The following PER3 variants were observed in gnomAD, a reference collection of about 807,000 sequenced individuals.
The protein encoded by PER3 is period circadian protein homolog 3.
PER3 carries 107 observed loss-of-function variants against 127.2 expected under a neutral mutation model. The observed-to-expected ratio is 0.84, with a 90% confidence interval of 0.72 to 0.99. The LOEUF is 0.99. Among genes scored for constraint, PER3 ranks in the 50% least tolerant of loss-of-function variants. The probability of loss-of-function intolerance (pLI) is 0.00; values close to 1 mark genes in which losing one functional copy is unlikely to be tolerated. For missense variants in PER3, 1,560 were observed against 1,525.8 expected (o/e 1.02, Z -0.37); for synonymous variants, 618 against 585.8 (o/e 1.05, Z -0.79).
At chr1:7,825,228 C>T (rs2097296056) in intron 16 of PER3, among the ~76,000 whole-genome samples, 1 of 152,064 alleles carries the variant, frequency 6.6e-6, no homozygotes. Flanking sequence ...GGGGAGCCCT[C>T]TACAGTGTCC....
At chr1:7,818,015 C>T (rs2097259299) in intron 13 of PER3, among the ~76,000 whole-genome samples, 1 of 152,152 alleles carries the variant, frequency 6.6e-6, no homozygotes, top group Admixed American at 6.5e-5. Flanking sequence ...CACTGCACCT[C>T]CGCCGCATTC....
chr1:7,814,043 A>T (rs1178074708), intron 13 of PER3, among the ~76,000 whole-genome samples: 1 of 152,244 alleles, frequency 6.6e-6, no homozygotes, highest in African/African-American at 2.4e-5. Context: ...CATCAATGCC[A>T]GAGATGAGGA....
rs1277400635 is a variant in PER3, at chr1:7,798,542, A to G, written c.662A>G (p.Lys221Arg). ...CTCCTCAGTGGAGGTGAAGACAGAA[A>G]GCAAGAGAAGTGTCACTCCCCATTC... is the stretch of plus-strand genomic sequence containing the variant. ...FCRIRGGEDRKQEKCHSPFRI... is the reference protein window; with the variant it reads ...FCRIRGGEDRRQEKCHSPFRI... The change falls in exon 7 of 22, where the codon AAG (lysine) becomes AGG (arginine). Residue 221 changes from lysine (K) to arginine (R), a missense_variant. Physicochemically the swap from Lys to Arg is conservative, Grantham distance 26. This residue lies in a region of PER3 where 1,332 missense variants were observed against 1,223.6 expected (regional missense o/e 1.09). Coordinates refer to ENST00000377532, the MANE Select transcript of PER3 (RefSeq NM_001377275.1). The G allele has an allele frequency of 1.2e-6, 2 of 1,613,824 alleles. No individual in the cohort carries two copies. The highest frequency in any genetic ancestry group is 3.3e-5 in the Admixed American group (2 of 60,006).
In PER3 at chr1:7,826,648, C is replaced by T; in HGVS notation, c.2126C>T (p.Ser709Leu). ...VDKFREKILS[S>L]PYSSYLQQES... The stretch of plus-strand genomic sequence containing the variant: ...AAATTCCGAGAAAAGATCCTGTCAT[C>T]ACCCTACAGCTCCTATCTTCAGCAA... The change falls in exon 17 of 22, where the codon TCA becomes TTA. Residue 709 changes from serine (S) to leucine (L), a missense_variant. By Grantham distance (145) the Ser-to-Leu change is moderately radical. Coordinates refer to ENST00000377532, the MANE Select transcript of PER3 (RefSeq NM_001377275.1). This position sits in a 1 kb window ranked among gnomAD's most constrained non-coding sequence, Gnocchi z 4.2. 6.2e-7 allele frequency: 1 copy of T among 1,613,482 alleles called. No individual in the cohort carries two copies. The highest frequency in any genetic ancestry group is 8.5e-7 in the Non-Finnish European group (1 of 1,179,420).
intron 16 of PER3, among the ~76,000 whole-genome samples, chr1:7,821,692 A>G (rs1403846381): frequency 6.6e-6 from 1 of 152,176 alleles, no homozygotes; most frequent in Non-Finnish European, 1.5e-5. Flanking sequence ...AATTTATACT[A>G]AAGTCTATAT....
chr1:7,832,907 C>T (rs567605630), intron 19 of PER3, among the ~76,000 whole-genome samples: 1 of 151,238 alleles, frequency 6.6e-6, no homozygotes, highest in African/African-American at 2.4e-5. Flanking sequence ...GGCATGATCC[C>T]AGCTCACTGC....
Position 7,819,322 on chromosome 1 carries a change from G to GAA in PER3, c.1564_1565dup (p.Asn522LysfsTer13). On this transcript the variant is annotated frameshift_variant, in exon 14 of 22. Transcript: ENST00000377532. LOFTEE classifies it high-confidence loss of function. The stretch of plus-strand genomic sequence containing the variant: ...CCTTTACTTCCTTCCACCAAACACT[G>GAA]AAAAACAATAGTGTGTACACTGAGC... 16 of 1,613,598 alleles carry GAA rather than the reference G, an allele frequency of 9.9e-6. No homozygotes were observed. Among genetic ancestry groups the GAA allele is most frequent in the Non-Finnish European group, 1.4e-5 (16 of 1,179,602 alleles).
intron 6 of PER3, among the ~76,000 whole-genome samples, chr1:7,796,342 A>T (rs2097145495): frequency 2.4e-5 from 1 of 40,872 alleles, no homozygotes; most frequent in African/African-American, 5.5e-5. Context: ...TTTTTGAGAC[A>T]GGATCTCACT....
intron 16 of PER3, among the ~76,000 whole-genome samples, chr1:7,820,843 T>C (rs1267840561): frequency 2.0e-5 from 3 of 152,258 alleles, no homozygotes; most frequent in East Asian, 1.9e-4. Context: ...TTCTCAGTTA[T>C]GTTATTTGTC....
chr1:7,827,294 T>C lies in PER3; in HGVS notation c.2365T>C (p.Ser789Pro), dbSNP rs1336570710. 1.2e-6 allele frequency: 2 copies of C among 1,613,494 alleles called. No homozygotes were observed. The highest frequency in any genetic ancestry group is 1.7e-6 in the Non-Finnish European group (2 of 1,179,824). ...CPSAASSPHT[S>P]SPTFPPAAMV... is the part of the protein sequence containing the mutation. ...CTCCGCGGCCTCCTCTCCGCACACC[T>C]CGAGCCCGACCTTCCCACCTGCCGC... The change falls in exon 18 of 22, where the codon TCG becomes CCG. Residue 789 changes from serine (S) to proline (P), a missense_variant. Ser to Pro is a moderately conservative substitution (Grantham distance 74, BLOSUM62 -1). Coordinates refer to ENST00000377532, the MANE Select transcript of PER3 (RefSeq NM_001377275.1).
intron 19 of PER3, 31 bp downstream of exon 19, chr1:7,830,192 C>T (rs775953482): frequency 2.5e-6 from 4 of 1,574,538 alleles, no homozygotes; most frequent in East Asian, 2.2e-5. Flanking sequence ...ATGTTTCAAA[C>T]TCCAATGCCA....
chr1:7,819,164 C>T (rs911626125), intron 13 of PER3, 121 bp from the exon 14 acceptor site: 9 of 747,752 alleles, frequency 1.2e-5, no homozygotes, highest in Middle Eastern at 3.8e-4. Flanking sequence ...TTTTAATAGC[C>T]GCATGATATT....
At chr1:7,790,794 T>A (rs545494084) in intron 5 of PER3, among the ~76,000 whole-genome samples, 16 of 152,180 alleles carry the variant, frequency 1.1e-4, no homozygotes, top group South Asian at 4.1e-4. Flanking sequence ...TGGGAGAAAT[T>A]GGCCAAAACA....
intron 13 of PER3, among the ~76,000 whole-genome samples, 191 bp from the exon 14 acceptor site, chr1:7,819,094 A>G (rs1257010213): frequency 6.6e-6 from 1 of 152,178 alleles, no homozygotes; most frequent in Non-Finnish European, 1.5e-5. Context: ...TCTGCACCTT[A>G]TTTTATTCAT....
chr1:7,794,515 A>G (rs1415322822), intron 6 of PER3, among the ~76,000 whole-genome samples: 1 of 151,952 alleles, frequency 6.6e-6, no homozygotes, highest in Non-Finnish European at 1.5e-5. Flanking sequence ...ATAAATAATA[A>G]TGCGATAGGA....
chr1:7,819,221 A>G, intron 13 of PER3, 64 bp from the exon 14 acceptor site: 1 of 1,424,370 alleles, frequency 7.0e-7, no homozygotes, highest in African/African-American at 1.4e-5. Context: ...TTTTGGTAAG[A>G]AAGTATATGT....
intron 13 of PER3, among the ~76,000 whole-genome samples, chr1:7,818,185 A>G (rs1352305009): frequency 6.6e-6 from 1 of 152,310 alleles, no homozygotes; most frequent in Non-Finnish European, 1.5e-5. Flanking sequence ...GTAGAATGGT[A>G]CCACTGTTCA....
chr1:7,804,901 G>A (rs1190981828), intron 10 of PER3, among the ~76,000 whole-genome samples: 2 of 146,946 alleles, frequency 1.4e-5, no homozygotes, highest in African/African-American at 5.0e-5. Context: ...CAGGATCTCA[G>A]TCTGTCACCC....
At chr1:7,840,774 ATT>A (rs112147772) in intron 21 of PER3, among the ~76,000 whole-genome samples, 1 of 143,244 alleles carries the variant, frequency 7.0e-6, no homozygotes. Flanking sequence ...TGCCTGGCTA[ATT>A]TTTTTTTTTT....
Sources: allele counts gnomAD v4.1 joint callset (sites outside exome capture counted in the v4.1 genomes callset), GRCh38; gene constraint gnomAD v4.1.1; regional missense constraint gnomAD v4.1.1; non-coding constraint Gnocchi (gnomAD v3.1); transcripts MANE v1.5; gene names NCBI Gene and HGNC (gene_info 2026-07-23, HGNC 2026-07-21).